The following ELAVL2 variants were observed in gnomAD, a reference collection of about 807,000 sequenced individuals.
The protein encoded by ELAVL2 is ELAV like RNA binding protein 2.
In ELAVL2, 4 loss-of-function variants were observed where a neutral mutation model predicts 34.6. The ratio of observed to expected loss-of-function variants is 0.12; its 90% CI spans 0.06 to 0.26. ELAVL2 has a LOEUF of 0.26. Ranked by LOEUF, ELAVL2 falls within the 10% of genes least tolerant of loss-of-function variation. The pLI is 1.00. For missense variants in ELAVL2, 432 were observed against 442.8 expected (o/e 0.98, Z 0.22); for synonymous variants, 193 against 154.8 (o/e 1.25, Z -1.83).
At chr9:23,780,032 A>C (rs995209120) in intron 1 of ELAVL2, among the ~76,000 whole-genome samples, 21 of 121,708 alleles carry the variant, frequency 1.7e-4, no homozygotes, top group Non-Finnish European at 2.6e-4. Flanking sequence ...AAAAAAAAAA[A>C]AACTTCATGA....
At chr9:23,848,624 G>T in the ELAVL2 span, among the ~76,000 whole-genome samples, 1 of 152,068 alleles carries the variant, frequency 6.6e-6, no homozygotes, top group Non-Finnish European at 1.5e-5. Context: ...ATATATGCCC[G>T]CTAAAATACA....
chr9:23,804,153 G>T (rs929306639), intron 1 of ELAVL2, among the ~76,000 whole-genome samples: 5 of 151,882 alleles, frequency 3.3e-5, no homozygotes, highest in African/African-American at 1.2e-4. Context: ...CTGTTTAAAA[G>T]ATGGATTTAT....
intron 3 of ELAVL2, among the ~76,000 whole-genome samples, chr9:23,713,274 C>A (rs759845613): frequency 1.3e-5 from 2 of 152,136 alleles, no homozygotes; most frequent in Non-Finnish European, 2.9e-5. Flanking sequence ...CTTACCATTT[C>A]TTAAATTTTT....
At chr9:23,739,118 A>G (rs1312063441) in intron 2 of ELAVL2, among the ~76,000 whole-genome samples, 1 of 152,218 alleles carries the variant, frequency 6.6e-6, no homozygotes, top group East Asian at 1.9e-4. Context: ...TCTTGCATCC[A>G]AGACCAGGAA....
At chr9:23,784,513 G>A (rs988193037) in intron 1 of ELAVL2, among the ~76,000 whole-genome samples, 2 of 152,200 alleles carry the variant, frequency 1.3e-5, no homozygotes, top group Non-Finnish European at 2.9e-5. Flanking sequence ...TGGGGGCAGT[G>A]GGACTGGTGA....
At chr9:23,833,483 A>T in the ELAVL2 span, among the ~76,000 whole-genome samples, 52 of 152,002 alleles carry the variant, frequency 3.4e-4, 1 homozygote, top group African/African-American at 1.3e-3. Context: ...ATACACTGTC[A>T]CCAAGTTTGA....
At chr9:23,766,070 T>TC (rs1428464424) in intron 1 of ELAVL2, among the ~76,000 whole-genome samples, 1 of 152,028 alleles carries the variant, frequency 6.6e-6, no homozygotes, top group African/African-American at 2.4e-5. Flanking sequence ...ACAGAAGAGG[T>TC]CCAAAAATGT....
chr9:23,812,106 G>A (rs990183299), intron 1 of ELAVL2, among the ~76,000 whole-genome samples: 1 of 152,026 alleles, frequency 6.6e-6, no homozygotes, highest in South Asian at 2.1e-4. Flanking sequence ...TTAAATGCAA[G>A]AGTGGGGAGT....
chr9:23,829,759 G>C (rs1198511317), upstream of ELAVL2: 1 of 152,176 alleles, frequency 6.6e-6, no homozygotes, highest in East Asian at 1.9e-4. Context: ...CCACGCAAGA[G>C]AAAGAGGCAG....
chr9:23,795,755 G>C (rs1364157862), intron 1 of ELAVL2, among the ~76,000 whole-genome samples: 1 of 152,098 alleles, frequency 6.6e-6, no homozygotes, highest in South Asian at 2.1e-4. Context: ...ATATTCCTTT[G>C]TTCATCACAA....
intron 1 of ELAVL2, among the ~76,000 whole-genome samples, chr9:23,809,748 G>T (rs1479033592): frequency 2.0e-5 from 3 of 152,110 alleles, no homozygotes; most frequent in African/African-American, 7.2e-5. Flanking sequence ...ATGAAAAAGA[G>T]CACATGGCCT....
intron 2 of ELAVL2, among the ~76,000 whole-genome samples, chr9:23,738,357 G>A (rs1247752970): frequency 6.6e-6 from 1 of 152,156 alleles, no homozygotes; most frequent in Non-Finnish European, 1.5e-5. Context: ...GATGCAGCAG[G>A]TCCTTCCATT....
intron 1 of ELAVL2, among the ~76,000 whole-genome samples, chr9:23,814,988 A>G (rs1301249266): frequency 6.6e-6 from 1 of 152,168 alleles, no homozygotes; most frequent in Non-Finnish European, 1.5e-5. Flanking sequence ...TTAAAAGCTG[A>G]ACAAGTGAGC....
At chr9:23,708,641 A>ATT (rs1252367150) in intron 3 of ELAVL2, among the ~76,000 whole-genome samples, 1 of 152,166 alleles carries the variant, frequency 6.6e-6, no homozygotes, top group East Asian at 1.9e-4. Flanking sequence ...GTTAAAAGTT[A>ATT]TTCCACTTTT....
chr9:23,721,369 T>C (rs562477438), intron 3 of ELAVL2, among the ~76,000 whole-genome samples: 1 of 152,350 alleles, frequency 6.6e-6, no homozygotes, highest in African/African-American at 2.4e-5. Context: ...CAAGCACAAA[T>C]TTCTAGATAG....
At chr9:23,751,295 G>T (rs1376122166) in intron 2 of ELAVL2, among the ~76,000 whole-genome samples, 1 of 152,018 alleles carries the variant, frequency 6.6e-6, no homozygotes, top group Admixed American at 6.6e-5. Flanking sequence ...ATATGCATAA[G>T]GATTTAACAA....
At chr9:23,749,389 T>C (rs115806674) in intron 2 of ELAVL2, among the ~76,000 whole-genome samples, 1,627 of 152,232 alleles carry the variant, frequency 0.011, 24 homozygotes, top group African/African-American at 0.036. Flanking sequence ...GATGTCAAAA[T>C]AGGGTTTTGT....
At chr9:23,815,992 T>C (rs1760456003) in intron 1 of ELAVL2, among the ~76,000 whole-genome samples, 2 of 152,152 alleles carry the variant, frequency 1.3e-5, no homozygotes, top group African/African-American at 4.8e-5. Flanking sequence ...CTTCACCCAG[T>C]TCTCACTAGT....
intron 2 of ELAVL2, among the ~76,000 whole-genome samples, chr9:23,744,879 G>T (rs1449797582): frequency 6.6e-6 from 1 of 151,892 alleles, no homozygotes; most frequent in Non-Finnish European, 1.5e-5. Flanking sequence ...ATGACTTAAA[G>T]AAAATGAAGC....
Sources: gnomAD v4.1 joint callset for allele counts (sites outside exome capture counted in the v4.1 genomes callset) on GRCh38, gnomAD v4.1.1 for gene constraint, MANE v1.5 for transcripts, NCBI Gene and HGNC (gene_info 2026-07-23, HGNC 2026-07-21) for gene names.